FLYWCH1: variants seen among roughly 807,000 people sequenced by gnomAD.
The protein encoded by FLYWCH1 is FLYWCH-type zinc finger-containing protein 1.
In FLYWCH1, 75 loss-of-function variants were observed where a neutral mutation model predicts 66.4. The ratio of observed to expected loss-of-function variants is 1.13; its 90% CI spans 0.94 to 1.37. The LOEUF (loss-of-function observed/expected upper bound fraction) is 1.37, where lower values mean the gene tolerates loss of function less well. Among genes scored for constraint, FLYWCH1 ranks in the 40% most tolerant of loss-of-function variants. FLYWCH1 has a pLI of 0.00. For synonymous variants in FLYWCH1, 595 were observed against 429.9 expected (o/e 1.38, Z -4.75); for missense variants, 1,334 against 1,001.8 (o/e 1.33, Z -4.48).
rs758445160 is a variant in FLYWCH1 at position 2,930,606 on chromosome 16, C to T, written c.522C>T (p.His174=). The T allele has an allele frequency of 4.2e-5, 65 of 1,552,082 alleles. No individual in the cohort carries two copies. In the East Asian group the frequency reaches 4.9e-4, roughly 12 times the overall value. ...LRATVMRGHC[H]APDEQGLEAR... ...CCACAGTGATGCGGGGCCACTGCCACGCGCCCGATGAGCAAGGCCTGGAGG... is the reference window on the plus strand; with the variant it reads ...CCACAGTGATGCGGGGCCACTGCCATGCGCCCGATGAGCAAGGCCTGGAGG... The change falls in exon 4 of 10, where the codon CAC becomes CAT. Residue 174 remains histidine (H), a synonymous_variant. Transcript: ENST00000253928.
At chr16:2,931,271 C>A (rs1325758843) in intron 4 of FLYWCH1, among the ~76,000 whole-genome samples, 1 of 136,886 alleles carries the variant, frequency 7.3e-6, no homozygotes, top group Non-Finnish European at 1.5e-5. Flanking sequence ...CCACTGTATT[C>A]CAGCCTGGTG....
intron 6 of FLYWCH1, chr16:2,935,869 T>A (rs1253450748): frequency 6.5e-6 from 1 of 152,984 alleles, no homozygotes; most frequent in Non-Finnish European, 1.5e-5. Context: ...CATCCCTTTC[T>A]GTTGCTCCTG....
At position 2,930,296 on chromosome 16, in the gene FLYWCH1, CAGG is replaced by C. The variant is rs1304598275; in HGVS notation, c.326-108_326-106del. 47 of 681,766 alleles carry C rather than the reference CAGG, an allele frequency of 6.9e-5. No homozygotes were observed. The East Asian group carries it at 9.8e-4, about 14-fold the overall frequency. 42.2% of individuals were successfully genotyped at this position (681,766 alleles called of 1,614,324 possible). On this transcript the variant is annotated intron_variant, in intron 3 of 9. Transcript: ENST00000253928. Reference sequence around the variant, plus strand: ...AGAGTCTGGGCTTCTTGCTTGGGAGCAGGAGGAGAAGGCACCTGCCATACTCAG... The same window carrying C: ...AGAGTCTGGGCTTCTTGCTTGGGAGCAGGAGAAGGCACCTGCCATACTCAG...
At chr16:2,941,308 A>G (rs1208128488) in intron 9 of FLYWCH1, among the ~76,000 whole-genome samples, 2 of 151,992 alleles carry the variant, frequency 1.3e-5, no homozygotes, top group South Asian at 2.1e-4. Context: ...AAACAAAACA[A>G]TGAGCCAAAG....
At position 2,950,018 on chromosome 16, in the gene FLYWCH1, G is replaced by T. The variant is rs1373684041; in HGVS notation, c.*1291G>T. 6.6e-6 allele frequency: 1 copy of T among 152,290 alleles called. No homozygotes were observed. Among genetic ancestry groups the T allele is most frequent in the African/African-American group, 2.4e-5 (1 of 41,422 alleles). The allele number at this position is 152,290 out of a possible 1,614,324, so 9.4% of individuals were successfully genotyped here. ...GGGGCCTCTGGAAGGGCTGCTGGGG[G>T]GCCAGCTGCAGCCTGTGGCCTCTCC... On this transcript the variant is annotated 3_prime_UTR_variant, in exon 10 of 10. Coordinates refer to ENST00000253928, the MANE Select transcript of FLYWCH1 (RefSeq NM_001308068.2).
chr16:2,941,722 A>T lies in FLYWCH1; in HGVS notation c.2111+1630A>T, dbSNP rs564654712. On this transcript the variant is annotated intron_variant, in intron 9 of 9. Transcript: ENST00000253928. ...CATCTCCACAAAAAATAGAAAAACTAAAAAAAAAAGAACTAAAAGTCTGGG... is the reference window on the plus strand; with the variant it reads ...CATCTCCACAAAAAATAGAAAAACTTAAAAAAAAAGAACTAAAAGTCTGGG... 2.7e-5 allele frequency among the ~76,000 whole-genome samples: 4 copies of T among 145,614 alleles called. No homozygotes were observed. In the East Asian group the frequency reaches 5.9e-4, roughly 21 times the overall value.
intron 2 of FLYWCH1, among the ~76,000 whole-genome samples, chr16:2,916,396 G>C (rs562728783): frequency 2.6e-5 from 4 of 152,026 alleles, no homozygotes; most frequent in Admixed American, 1.3e-4. Context: ...AGCACTTTGG[G>C]AAGCTGAGGC....
rs1226234579 is a variant in FLYWCH1 at position 2,933,228 on chromosome 16, A to G, written c.895A>G (p.Lys299Glu). 1.9e-6 allele frequency: 3 copies of G among 1,613,544 alleles called. No homozygotes were observed. Among genetic ancestry groups the G allele is most frequent in the East Asian group, 2.2e-5 (1 of 44,800 alleles). ...LYKREKAVGDKVYWTCRDHAL... is the reference protein window; with the variant it reads ...LYKREKAVGDEVYWTCRDHAL... ...CAAGCGGGAGAAGGCTGTCGGGGACAAGGTGTATTGGACCTGCCGGGACCA... is the reference window on the plus strand; with the variant it reads ...CAAGCGGGAGAAGGCTGTCGGGGACGAGGTGTATTGGACCTGCCGGGACCA... Residue 299 changes from lysine to glutamate, a missense_variant, in exon 5 of 10, where the codon AAG becomes GAG. Coordinates refer to ENST00000253928, the MANE Select transcript of FLYWCH1 (RefSeq NM_001308068.2).
In FLYWCH1 at chr16:2,938,440, CCAG is replaced by C. The variant is rs1454461354; in HGVS notation, c.2038_2040del (p.Gln680del). On this transcript the variant is annotated inframe_deletion, in exon 8 of 10. Coordinates refer to ENST00000253928, the MANE Select transcript of FLYWCH1 (RefSeq NM_001308068.2). ...AACGGGAGCGGCTCCCCACCACGGC[CCAG>C]CAGGAGGACCCAGGTACAGGCAGGC... The C allele has an allele frequency of 6.6e-7, 1 of 1,524,706 alleles. No individual in the cohort carries two copies. Among genetic ancestry groups the C allele is most frequent in the Non-Finnish European group, 8.8e-7 (1 of 1,137,500 alleles). The allele number at this position is 1,524,706 out of a possible 1,614,324, so 94.4% of individuals were successfully genotyped here.
intron 9 of FLYWCH1, among the ~76,000 whole-genome samples, chr16:2,945,378 C>T (rs532219046): frequency 1.3e-5 from 2 of 150,486 alleles, no homozygotes; most frequent in African/African-American, 2.4e-5. Context: ...CCCAGCTACT[C>T]GGGAGGCTGG....
chr16:2,937,460 C>CCA, intron 7 of FLYWCH1, 76 bp downstream of exon 7: 3 of 1,441,394 alleles, frequency 2.1e-6, no homozygotes, highest in African/African-American at 2.9e-5. Flanking sequence ...TGGAGGCTGC[C>CCA]CGTGGGGTGT....
In FLYWCH1 at chr16:2,947,294, T is replaced by C. The variant is rs942202073; in HGVS notation, c.2112-1394T>C. ...AGGCACATTTAGAGAGACAGAAAGA[T>C]TAGTGGCTGCCTGGGGCAAGGGAAG... On this transcript the variant is annotated intron_variant, in intron 9 of 9. Transcript: ENST00000253928. 4.6e-5 allele frequency among the ~76,000 whole-genome samples: 7 copies of C among 152,196 alleles called. No homozygotes were observed. The South Asian group carries it at 6.2e-4, about 14-fold the overall frequency.
intron 4 of FLYWCH1, among the ~76,000 whole-genome samples, chr16:2,932,884 G>A (rs1187454864): frequency 4.6e-5 from 7 of 151,836 alleles, no homozygotes; most frequent in Admixed American, 2.0e-4. Flanking sequence ...TCACTCGGTG[G>A]TAGGGGTGAG....
chr16:2,925,270 C>T (rs922194955), intron 2 of FLYWCH1, among the ~76,000 whole-genome samples: 3 of 152,194 alleles, frequency 2.0e-5, no homozygotes, highest in Non-Finnish European at 4.4e-5. Flanking sequence ...GGGCGGGGGC[C>T]TCGCGGGACC....
intron 9 of FLYWCH1, among the ~76,000 whole-genome samples, chr16:2,945,957 A>G (rs1005979833): frequency 6.6e-6 from 1 of 151,998 alleles, no homozygotes; most frequent in Non-Finnish European, 1.5e-5. Flanking sequence ...AGATTGCGAC[A>G]CTGCACTCCA....
chr16:2,926,995 A>G (rs534692389), intron 2 of FLYWCH1, among the ~76,000 whole-genome samples: 27 of 152,354 alleles, frequency 1.8e-4, no homozygotes, highest in Middle Eastern at 3.4e-3. Flanking sequence ...TATCCACAAT[A>G]TCAGCCAGTA....
rs549623212 is a variant in FLYWCH1 at position 2,932,264 on chromosome 16, C to G, written c.797-866C>G. 9.3e-4 allele frequency among the ~76,000 whole-genome samples: 119 copies of G among 128,220 alleles called. No individual in the cohort carries two copies. The East Asian group carries it at 0.024, about 25-fold the overall frequency. 84.1% of individuals were successfully genotyped at this position (128,220 alleles called of 152,430 possible). A position where few individuals can be genotyped will look rare whatever the true frequency, so the allele number is the denominator to read the frequency against. Reference sequence around the variant, plus strand: ...CCAGCCTGGGCGACGTGGCAGGACCCTGTCTCAAAAAAAAAAAAAAAAAAA... The same window carrying G: ...CCAGCCTGGGCGACGTGGCAGGACCGTGTCTCAAAAAAAAAAAAAAAAAAA... On this transcript the variant is annotated intron_variant, in intron 4 of 9. Coordinates refer to ENST00000253928, the MANE Select transcript of FLYWCH1 (RefSeq NM_001308068.2).
intron 2 of FLYWCH1, among the ~76,000 whole-genome samples, chr16:2,925,428 G>GGTCCCACCCA (rs1315693631): frequency 1.2e-3 from 175 of 142,674 alleles, no homozygotes; most frequent in African/African-American, 4.3e-3. Context: ...GGTCCCACCC[G>GGTCCCACCCA]GTCCCACCCA....
chr16:2,934,624 T>C, intron 6 of FLYWCH1: 1 of 456,820 alleles, frequency 2.2e-6, no homozygotes, highest in Non-Finnish European at 4.4e-6. Flanking sequence ...GGCGCTGGCC[T>C]CTCTTTCCAG....
Sources: gnomAD v4.1 joint callset for allele counts (sites outside exome capture counted in the v4.1 genomes callset) on GRCh38, gnomAD v4.1.1 for gene constraint, MANE v1.5 for transcripts, NCBI Gene and HGNC (gene_info 2026-07-23, HGNC 2026-07-21) for gene names.